Variants in PCNX2 observed in about 807,000 individuals in gnomAD.
The protein encoded by PCNX2 is pecanex-like protein 2.
PCNX2 carries 168 observed loss-of-function variants against 223.8 expected under a neutral mutation model. That is an observed-to-expected ratio of 0.75 (90% CI 0.66 to 0.85). The LOEUF (loss-of-function observed/expected upper bound fraction) is 0.85, where lower values mean the gene tolerates loss of function less well. Among genes scored for constraint, PCNX2 ranks in the 40% least tolerant of loss-of-function variants. The pLI is 0.00. For missense variants in PCNX2, 2,507 were observed against 2,675.5 expected (o/e 0.94, Z 1.39); for synonymous variants, 1,006 against 1,052.6 (o/e 0.96, Z 0.86).
chr1:233,077,653 A>G (rs1044635263), intron 23 of PCNX2, among the ~76,000 whole-genome samples: 4 of 152,198 alleles, frequency 2.6e-5, no homozygotes, highest in Non-Finnish European at 5.9e-5. Flanking sequence ...ATAAGCTCCA[A>G]CTACGCAACC....
chr1:233,171,476 T>G (rs923960084), intron 17 of PCNX2, among the ~76,000 whole-genome samples: 1 of 152,210 alleles, frequency 6.6e-6, no homozygotes, highest in African/African-American at 2.4e-5. Flanking sequence ...GCTTGGTAGT[T>G]ACTTTCTTTA....
At chr1:233,242,683 A>C (rs1192452175) in intron 8 of PCNX2, among the ~76,000 whole-genome samples, 1 of 152,252 alleles carries the variant, frequency 6.6e-6, no homozygotes, top group African/African-American at 2.4e-5. Flanking sequence ...TCTACTGAGT[A>C]GTAATAAAAC....
intron 8 of PCNX2, among the ~76,000 whole-genome samples, chr1:233,243,035 T>C (rs1210487266): frequency 1.3e-5 from 2 of 152,208 alleles, no homozygotes; most frequent in African/African-American, 4.8e-5. Context: ...TGGACAGCTA[T>C]TGTACAACCG....
intron 9 of PCNX2, among the ~76,000 whole-genome samples, chr1:233,236,242 C>T (rs1039925703): frequency 4.0e-5 from 6 of 151,886 alleles, no homozygotes; most frequent in African/African-American, 1.4e-4. Context: ...TTCATGTCTG[C>T]GTGTTTCACT....
chr1:232,998,362 T>C lies in PCNX2; in HGVS notation c.5680A>G (p.Thr1894Ala). Residue 1894 changes from threonine to alanine, a missense_variant, in exon 32 of 34, where the codon ACA becomes GCA. This residue lies in a region of PCNX2 where 1,372 missense variants were observed against 1,509.4 expected (regional missense o/e 0.91). Coordinates refer to ENST00000258229, the MANE Select transcript of PCNX2 (RefSeq NM_014801.4). The stretch of plus-strand genomic sequence containing the variant: ...CCACTCGGGGCATTGTTGCCACCTG[T>C]CGTCGGGGCCCCTCCTCCGTCCACG... Reference protein sequence around the residue: ...EDVDGGGAPTTGGNNAPSGGS... With the variant: ...EDVDGGGAPTAGGNNAPSGGS... The C allele has an allele frequency of 6.2e-7, 1 of 1,613,364 alleles. No homozygotes were observed. The highest frequency in any genetic ancestry group is 8.5e-7 in the Non-Finnish European group (1 of 1,179,690).
chr1:233,287,495 T>G (rs1018870496), intron 1 of PCNX2, among the ~76,000 whole-genome samples: 8 of 152,186 alleles, frequency 5.3e-5, no homozygotes, highest in Admixed American at 3.9e-4. Flanking sequence ...TGAGATCTGG[T>G]GGTTTTATAA....
At chr1:233,220,236 TACAA>T (rs1657282411) in intron 10 of PCNX2, among the ~76,000 whole-genome samples, 1 of 152,256 alleles carries the variant, frequency 6.6e-6, no homozygotes. Flanking sequence ...ATAAAGCTGT[TACAA>T]ACATTCATGT....
chr1:233,168,425 C>G (rs1477089049), intron 17 of PCNX2, among the ~76,000 whole-genome samples: 2 of 151,974 alleles, frequency 1.3e-5, no homozygotes, highest in Non-Finnish European at 2.9e-5. Context: ...AAATAATTTT[C>G]TACCTTTTCC....
In PCNX2 at chr1:232,986,339, G is replaced by T; in HGVS notation, c.5993C>A (p.Pro1998His). Reference protein sequence around the residue: ...HASATSLHSQPPPVTTTGHLS... With the variant: ...HASATSLHSQHPPVTTTGHLS... ...GTGGCCGGTGGTGGTGACGGGCGGG[G>T]GCTGAGAGTGCAGGGACGTGGCCGA... Residue 1998 changes from proline to histidine, a missense_variant, in exon 33 of 34, where the codon CCC (proline) becomes CAC (histidine). Transcript: ENST00000258229. 5.0e-6 allele frequency: 8 copies of T among 1,597,236 alleles called. No homozygotes were observed. Among genetic ancestry groups the T allele is most frequent in the Non-Finnish European group, 6.8e-6 (8 of 1,172,634 alleles).
chr1:233,217,580 C>T (rs1168637685), intron 12 of PCNX2, among the ~76,000 whole-genome samples: 1 of 152,102 alleles, frequency 6.6e-6, no homozygotes, highest in Non-Finnish European at 1.5e-5. Flanking sequence ...CAAAGACAGG[C>T]AGTCTGATGG....
chr1:233,003,696 T>C (rs372514645), intron 28 of PCNX2, among the ~76,000 whole-genome samples: 1 of 152,174 alleles, frequency 6.6e-6, no homozygotes, highest in African/African-American at 2.4e-5. Context: ...TAAAGACACA[T>C]GCACACGTAT....
chr1:232,999,146 A>G lies in PCNX2; in HGVS notation c.5562T>C (p.Thr1854=), dbSNP rs1558151616. ...AGAACCAGGTCCTAATTCTGTCCAA[A>G]GTGATGGGTCCACCCCAGATGTTCT... The part of the protein sequence containing the change: ...QLKNIWGGPI[T]LDRIRTWFWT... Residue 1854 remains threonine, a synonymous_variant, in exon 31 of 34, where the codon ACT becomes ACC. Transcript: ENST00000258229. 6.2e-7 allele frequency: 1 copy of G among 1,613,710 alleles called. No homozygotes were observed. Among genetic ancestry groups the G allele is most frequent in the Admixed American group, 1.7e-5 (1 of 60,010 alleles).
At chr1:233,061,748 A>G (rs1672412400) in intron 23 of PCNX2, among the ~76,000 whole-genome samples, 1 of 151,632 alleles carries the variant, frequency 6.6e-6, no homozygotes, top group South Asian at 2.1e-4. Context: ...TTTTGTTGTT[A>G]TTGTTTTGTA....
chr1:233,035,853 G>A (rs188988122), intron 25 of PCNX2, among the ~76,000 whole-genome samples: 1 of 152,154 alleles, frequency 6.6e-6, no homozygotes, highest in Non-Finnish European at 1.5e-5. Flanking sequence ...CAAGATGTGT[G>A]AGACAGGGCT....
Position 232,998,343 on chromosome 1 carries a change from G to A in PCNX2, c.5699C>T (p.Pro1900Leu), listed in dbSNP as rs750897722. Residue 1900 changes from proline (P) to leucine (L), a missense_variant, in exon 32 of 34, where the codon CCG (proline) becomes CTG (leucine). Coordinates refer to ENST00000258229, the MANE Select transcript of PCNX2 (RefSeq NM_014801.4). ...GCTGCTCTCCTGGCTGCCACCACTC[G>A]GGGCATTGTTGCCACCTGTCGTCGG... ...GAPTTGGNNAPSGGSQESSAE... is the reference protein window; with the variant it reads ...GAPTTGGNNALSGGSQESSAE... 17 of 1,612,882 alleles carry A rather than the reference G, an allele frequency of 1.1e-5. No individual in the cohort carries two copies. The highest frequency in any genetic ancestry group is 1.7e-5 in the Admixed American group (1 of 59,940).
At chr1:233,118,986 G>A (rs1052151838) in intron 21 of PCNX2, among the ~76,000 whole-genome samples, 1 of 152,140 alleles carries the variant, frequency 6.6e-6, no homozygotes, top group Admixed American at 6.5e-5. Context: ...AAGACTTCTT[G>A]GTATTGGTGA....
At chr1:233,110,859 C>A (rs980606711) in intron 21 of PCNX2, among the ~76,000 whole-genome samples, 8 of 150,456 alleles carry the variant, frequency 5.3e-5, no homozygotes, top group Non-Finnish European at 1.2e-4. Context: ...AAATAATATA[C>A]CACTTTCTGT....
chr1:233,168,212 C>T (rs12033759), intron 17 of PCNX2, among the ~76,000 whole-genome samples: 13,894 of 151,946 alleles, frequency 0.091, 839 homozygotes, highest in East Asian at 0.31. Flanking sequence ...TAGAATAACA[C>T]AATAATATTG....
intron 21 of PCNX2, among the ~76,000 whole-genome samples, chr1:233,114,583 G>C (rs1675299134): frequency 1.3e-5 from 2 of 152,244 alleles, no homozygotes; most frequent in South Asian, 4.2e-4. Flanking sequence ...CATGTAAAAA[G>C]CTTGGAAGTT....
Sources: allele counts gnomAD v4.1 joint callset (sites outside exome capture counted in the v4.1 genomes callset), GRCh38; gene constraint gnomAD v4.1.1; regional missense constraint gnomAD v4.1.1; transcripts MANE v1.5; gene names NCBI Gene and HGNC (gene_info 2026-07-23, HGNC 2026-07-21).